The following SLCO5A1 variants were observed in gnomAD, a reference collection of about 807,000 sequenced individuals.
SLCO5A1 encodes organic anion transporter polypeptide-related protein 4.
In SLCO5A1, 39 loss-of-function variants were observed where a neutral mutation model predicts 65.1. The ratio of observed to expected loss-of-function variants is 0.60; its 90% CI spans 0.46 to 0.78. The LOEUF (loss-of-function observed/expected upper bound fraction) is 0.78. Among genes scored for constraint, SLCO5A1 ranks in the 30% least tolerant of loss-of-function variants. The pLI is 0.00. For missense variants in SLCO5A1, 1,029 were observed against 1,069.4 expected, an observed-to-expected ratio of 0.96 and a Z score of 0.53; for synonymous variants, 438 against 415.7, an observed-to-expected ratio of 1.05 and a Z score of -0.65.
chr8:69,723,128 A>T (rs189878904), intron 5 of SLCO5A1, among the ~76,000 whole-genome samples: 1 of 152,288 alleles, frequency 6.6e-6, no homozygotes, highest in East Asian at 1.9e-4. Flanking sequence ...AAGTATTTGT[A>T]AAGATGTATT....
chr8:69,667,100 C>T lies in SLCO5A1; in HGVS notation c.*5769G>A, dbSNP rs1813203527. 6.6e-6 allele frequency: 1 copy of T among 152,158 alleles called. No homozygotes were observed. The highest frequency in any genetic ancestry group is 1.5e-5 in the Non-Finnish European group (1 of 68,022). The allele number at this position is 152,158 out of a possible 1,614,324, so 9.4% of individuals were successfully genotyped here. On this transcript the variant is annotated 3_prime_UTR_variant, in exon 10 of 10. Transcript: ENST00000260126. ...AACTTTTTTCTTAATTTTCAATAAT[C>T]AAGTATTCAAGATGCTGTAAACCAA...
chr8:69,803,343 G>A (rs868419367), intron 2 of SLCO5A1, among the ~76,000 whole-genome samples: 1 of 152,152 alleles, frequency 6.6e-6, no homozygotes, highest in Non-Finnish European at 1.5e-5. Context: ...CTTGAACCTG[G>A]GAGGCAGAGG....
At chr8:69,811,746 T>A (rs1820212254) in intron 2 of SLCO5A1, among the ~76,000 whole-genome samples, 1 of 152,190 alleles carries the variant, frequency 6.6e-6, no homozygotes, top group African/African-American at 2.4e-5. Context: ...CAGCCCACAT[T>A]TTTTAGTGTT....
intron 2 of SLCO5A1, among the ~76,000 whole-genome samples, chr8:69,791,640 G>A (rs558581891): frequency 1.3e-5 from 2 of 152,370 alleles, no homozygotes; most frequent in Admixed American, 6.5e-5. Flanking sequence ...TAGGCACTGA[G>A]ATCATGGAGA....
At chr8:69,821,281 C>T (rs1820626334) in intron 2 of SLCO5A1, among the ~76,000 whole-genome samples, 1 of 151,876 alleles carries the variant, frequency 6.6e-6, no homozygotes. Context: ...ATCGCTTGAA[C>T]CTGGGAGGTG....
chr8:69,829,426 G>T (rs147078862), intron 2 of SLCO5A1, among the ~76,000 whole-genome samples: 1 of 152,194 alleles, frequency 6.6e-6, no homozygotes, highest in Non-Finnish European at 1.5e-5. Flanking sequence ...GGCTAAAGTG[G>T]CTAACAGCCA....
intron 2 of SLCO5A1, among the ~76,000 whole-genome samples, chr8:69,795,816 T>C (rs1819466719): frequency 6.6e-6 from 1 of 152,250 alleles, no homozygotes; most frequent in African/African-American, 2.4e-5. Context: ...AGCAGGCTTC[T>C]ACCTGGACAT....
chr8:69,784,973 GAGAA>G lies in SLCO5A1; in HGVS notation c.908-23102_908-23099del, dbSNP rs755021874. On this transcript the variant is annotated intron_variant, in intron 2 of 9. Coordinates refer to ENST00000260126, the MANE Select transcript of SLCO5A1 (RefSeq NM_030958.3). ...AAGAAGAAAGGAAGGAAGAAAGAAAGAGAAAGAAAGAAAGAAAAGCGAAAGAAAG... is the reference window on the plus strand; with the variant it reads ...AAGAAGAAAGGAAGGAAGAAAGAAAGAGAAAGAAAGAAAAGCGAAAGAAAG... Among the ~76,000 whole-genome samples the G allele has an allele frequency of 3.6e-3, 463 of 128,442 alleles. 1 individual carries two copies. Among genetic ancestry groups the G allele is most frequent in the Middle Eastern group, 8.5e-3 (2 of 236 alleles). The allele number at this position is 128,442 out of a possible 152,430, so 84.3% of individuals were successfully genotyped here. A position where few individuals can be genotyped will look rare whatever the true frequency, so the allele number is the denominator to read the frequency against.
At chr8:69,787,126 C>T (rs376991168) in intron 2 of SLCO5A1, among the ~76,000 whole-genome samples, 28 of 152,176 alleles carry the variant, frequency 1.8e-4, no homozygotes, top group African/African-American at 5.8e-4. Flanking sequence ...AGGAGCCTTA[C>T]GTCATTTCAA....
At chr8:69,703,306 T>G (rs1405505106) in intron 6 of SLCO5A1, among the ~76,000 whole-genome samples, 1 of 152,160 alleles carries the variant, frequency 6.6e-6, no homozygotes, top group African/African-American at 2.4e-5. Context: ...ATCTCACTTC[T>G]GAGAATTTAT....
intron 7 of SLCO5A1, among the ~76,000 whole-genome samples, chr8:69,680,801 T>A (rs564114376): frequency 1.6e-4 from 25 of 152,316 alleles, no homozygotes; most frequent in African/African-American, 6.0e-4. Flanking sequence ...CTACACCCTA[T>A]AGAAGAGCAA....
At chr8:69,782,012 T>C (rs1346355566) in intron 2 of SLCO5A1, among the ~76,000 whole-genome samples, 2 of 152,130 alleles carry the variant, frequency 1.3e-5, no homozygotes, top group Admixed American at 6.6e-5. Flanking sequence ...TGAAATAATA[T>C]AATAAATTCA....
rs1242626739 is a variant in SLCO5A1, at chr8:69,670,221, G to A, written c.*2648C>T. The A allele has an allele frequency of 6.6e-6, 1 of 152,196 alleles. No individual in the cohort carries two copies. The highest frequency in any genetic ancestry group is 1.5e-5 in the Non-Finnish European group (1 of 68,022). 9.4% of individuals were successfully genotyped at this position (152,196 alleles called of 1,614,324 possible). On this transcript the variant is annotated 3_prime_UTR_variant, in exon 10 of 10. Coordinates refer to ENST00000260126, the MANE Select transcript of SLCO5A1 (RefSeq NM_030958.3). ...CCAAAACAAGTAATTTGAAGCCTAA[G>A]CTCATGGAGAGTCTTCATTAAAACT... is the stretch of plus-strand genomic sequence containing the variant.
At chr8:69,795,958 C>T (rs958553318) in intron 2 of SLCO5A1, among the ~76,000 whole-genome samples, 5 of 152,214 alleles carry the variant, frequency 3.3e-5, no homozygotes, top group Non-Finnish European at 4.4e-5. Context: ...TCTGAAGCAT[C>T]GGCCCAAACT....
chr8:69,799,560 C>T (rs993570884), intron 2 of SLCO5A1, among the ~76,000 whole-genome samples: 2 of 152,306 alleles, frequency 1.3e-5, no homozygotes, highest in African/African-American at 4.8e-5. Context: ...CATTCTCCCA[C>T]TGTTGTAAGG....
At chr8:69,697,017 C>T (rs1000518430) in intron 6 of SLCO5A1, among the ~76,000 whole-genome samples, 1 of 152,098 alleles carries the variant, frequency 6.6e-6, no homozygotes, top group African/African-American at 2.4e-5. Flanking sequence ...CCAGTCCATA[C>T]GTTCCAACAT....
chr8:69,716,439 G>A (rs1815543078), intron 5 of SLCO5A1, among the ~76,000 whole-genome samples: 1 of 152,192 alleles, frequency 6.6e-6, no homozygotes, highest in African/African-American at 2.4e-5. Flanking sequence ...ATTCTCAGCA[G>A]CAGTGTAAGG....
At chr8:69,686,770 G>A (rs1470930627) in intron 6 of SLCO5A1, among the ~76,000 whole-genome samples, 1 of 152,144 alleles carries the variant, frequency 6.6e-6, no homozygotes, top group Non-Finnish European at 1.5e-5. Context: ...TCTAGCACAG[G>A]TCTTCTGGGT....
At chr8:69,761,588 T>G in intron 3 of SLCO5A1, 155 bp downstream of exon 3, 1 of 705,764 alleles carries the variant, frequency 1.4e-6, no homozygotes. Context: ...GACGTAGCTT[T>G]CTTTGGGATG....
Sources: gnomAD v4.1 joint callset for allele counts (sites outside exome capture counted in the v4.1 genomes callset) on GRCh38, gnomAD v4.1.1 for gene constraint, MANE v1.5 for transcripts, NCBI Gene and HGNC (gene_info 2026-07-23, HGNC 2026-07-21) for gene names.